HIVEP2: variants seen among roughly 807,000 people sequenced by gnomAD.
HIVEP2 encodes the protein HIVEP zinc finger 2.
HIVEP2 carries 14 observed loss-of-function variants against 180.7 expected under a neutral mutation model. That is an observed-to-expected ratio of 0.08 (90% CI 0.05 to 0.12). The LOEUF (loss-of-function observed/expected upper bound fraction) is 0.12. Ranked by LOEUF, HIVEP2 falls within the 10% of genes least tolerant of loss-of-function variation. The pLI, the probability that HIVEP2 is intolerant of heterozygous loss-of-function variation, is 1.00. For synonymous variants in HIVEP2, 1,184 were observed against 1,136.4 expected, an observed-to-expected ratio of 1.04 and a Z score of -0.84; for missense variants, 2,579 against 3,008.5, an observed-to-expected ratio of 0.86 and a Z score of 3.34.
At chr6:142,754,949 T>C (rs888383938) in intron 9 of HIVEP2, among the ~76,000 whole-genome samples, 1 of 152,250 alleles carries the variant, frequency 6.6e-6, no homozygotes, top group Admixed American at 6.5e-5. Flanking sequence ...CATTCTTTAA[T>C]GGATTGTCAT....
Position 142,753,500 on chromosome 6 carries a change from G to C in HIVEP2, c.6948C>G (p.Asn2316Lys). The C allele has an allele frequency of 6.2e-7, 1 of 1,614,142 alleles. No homozygotes were observed. Among genetic ancestry groups the C allele is most frequent in the Non-Finnish European group, 8.5e-7 (1 of 1,180,042 alleles). The stretch of plus-strand genomic sequence containing the variant: ...TTTCCTCCTGTTCCCGCTCTGTTGC[G>C]TTTAGGCTGTCTTCCGAAGTGCTCT... ...MKQSTSEDSL[N>K]ATEREQEENI... Residue 2316 changes from asparagine (N) to lysine (K), a missense_variant, in exon 10 of 10, where the codon AAC (asparagine) becomes AAG (lysine). Asn to Lys is a moderately conservative substitution (Grantham distance 94). Around this residue, in one of 11 missense-constraint regions of HIVEP2, gnomAD observed 660 missense variants for 731.7 expected, o/e 0.90. Coordinates refer to ENST00000367603, the MANE Select transcript of HIVEP2 (RefSeq NM_006734.4).
intron 1 of HIVEP2, among the ~76,000 whole-genome samples, chr6:142,851,277 C>A (rs1293463349): frequency 6.6e-6 from 1 of 152,140 alleles, no homozygotes; most frequent in Admixed American, 6.5e-5. Context: ...AGGGTTGAGG[C>A]TCTTTTATAT....
chr6:142,821,849 G>A (rs1420820967), intron 2 of HIVEP2, among the ~76,000 whole-genome samples: 1 of 152,198 alleles, frequency 6.6e-6, no homozygotes, highest in African/African-American at 2.4e-5. Context: ...AGCATGCCTT[G>A]TGATGCCATG....
intron 2 of HIVEP2, among the ~76,000 whole-genome samples, chr6:142,813,977 T>C (rs1488455542): frequency 5.9e-5 from 9 of 151,998 alleles, no homozygotes; most frequent in African/African-American, 2.2e-4. Flanking sequence ...GAATAAGACA[T>C]AGCCCTCAGA....
At position 142,935,178 on chromosome 6, in the gene HIVEP2, G is replaced by A. The variant is rs887666002; in HGVS notation, c.-641+9921C>T. Among the ~76,000 whole-genome samples, 28 of 152,146 alleles carry A rather than the reference G, an allele frequency of 1.8e-4. 1 individual carries two copies. Among genetic ancestry groups the A allele is most frequent in the Non-Finnish European group, 2.9e-5 (2 of 68,012 alleles). ...CAACTATGGGTTTAAGAGATGTTTGGGATTGCTGGATGGACACATGGAGGC... is the reference window on the plus strand; with the variant it reads ...CAACTATGGGTTTAAGAGATGTTTGAGATTGCTGGATGGACACATGGAGGC... On this transcript the variant is annotated intron_variant, in intron 1 of 9. Coordinates refer to ENST00000367603, the MANE Select transcript of HIVEP2 (RefSeq NM_006734.4).
At chr6:142,888,774 T>C (rs1293402568) in intron 1 of HIVEP2, among the ~76,000 whole-genome samples, 1 of 152,208 alleles carries the variant, frequency 6.6e-6, no homozygotes, top group East Asian at 1.9e-4. Flanking sequence ...GTTACCTCTC[T>C]TCCTTGTCTG....
In HIVEP2 at chr6:142,937,199, TTTG is replaced by T. The variant is rs149654297; in HGVS notation, c.-641+7897_-641+7899del. The stretch of plus-strand genomic sequence containing the variant: ...CCCCAGATTTTAATTGATATTTCCA[TTTG>T]TTAACTGTTAAATGTGAAACCATGT... On this transcript the variant is annotated intron_variant, in intron 1 of 9. Coordinates refer to ENST00000367603, the MANE Select transcript of HIVEP2 (RefSeq NM_006734.4). Among the ~76,000 whole-genome samples the T allele has an allele frequency of 8.1e-3, 1,231 of 152,328 alleles. 7 individuals carry two copies. The highest frequency in any genetic ancestry group is 0.012 in the Non-Finnish European group (821 of 68,024).
At position 142,773,437 on chromosome 6, in the gene HIVEP2, C is replaced by T. The variant is rs944341938; in HGVS notation, c.1302G>A (p.Pro434=). 8 of 1,614,058 alleles carry T rather than the reference C, an allele frequency of 5.0e-6. No homozygotes were observed. The highest frequency in any genetic ancestry group is 2.2e-5 in the East Asian group (1 of 44,890). ...IIFGKYCRLS[P]RNALSVTTTS... is the part of the protein sequence containing the mutation. ...TGGTTGTAACACTGAGTGCATTTCTCGGACTAAGCCGACAGTATTTTCCAA... is the reference window on the plus strand; with the variant it reads ...TGGTTGTAACACTGAGTGCATTTCTTGGACTAAGCCGACAGTATTTTCCAA... The change falls in exon 5 of 10, where the codon CCG becomes CCA. Residue 434 remains proline, a synonymous_variant. Transcript: ENST00000367603.
At chr6:142,911,400 G>C (rs571972253) in intron 1 of HIVEP2, among the ~76,000 whole-genome samples, 3 of 152,038 alleles carry the variant, frequency 2.0e-5, no homozygotes, top group Non-Finnish European at 4.4e-5. Context: ...ATATCTCTTG[G>C]TACCATAGTC....
At chr6:142,807,458 T>C (rs1283484276) in intron 2 of HIVEP2, among the ~76,000 whole-genome samples, 1 of 152,174 alleles carries the variant, frequency 6.6e-6, no homozygotes, top group African/African-American at 2.4e-5. Flanking sequence ...TGGCTGGATG[T>C]AGTTCTGGCA....
At chr6:142,819,703 C>T (rs1216596828) in intron 2 of HIVEP2, among the ~76,000 whole-genome samples, 1 of 152,082 alleles carries the variant, frequency 6.6e-6, no homozygotes, top group East Asian at 1.9e-4. Context: ...CTGTGTGACC[C>T]TATGGGAAAA....
Position 142,772,011 on chromosome 6 carries a change from C to T in HIVEP2, c.2728G>A (p.Glu910Lys). Residue 910 changes from glutamate to lysine, a missense_variant, in exon 5 of 10, where the codon GAG becomes AAG. Physicochemically the swap from Glu to Lys is moderately conservative, Grantham distance 56. Transcript: ENST00000367603. The surrounding 1 kb of genome is among the most constrained non-coding windows in gnomAD (Gnocchi z 4.9). ...AATTCTTCCACAGGCTTCTCTGGCT[C>T]TTTGCTCTGGGCTTCCTTCTCCTTC... Reference protein sequence around the residue: ...PEKEKEAQSKEPEKPVEEFQW... With the variant: ...PEKEKEAQSKKPEKPVEEFQW... 1.2e-6 allele frequency: 2 copies of T among 1,614,196 alleles called. No individual in the cohort carries two copies. The highest frequency in any genetic ancestry group is 8.5e-7 in the Non-Finnish European group (1 of 1,180,044).
chr6:142,798,698 A>G (rs988093072), intron 2 of HIVEP2, among the ~76,000 whole-genome samples: 2 of 152,188 alleles, frequency 1.3e-5, no homozygotes, highest in Non-Finnish European at 2.9e-5. Context: ...TTGATGAAGT[A>G]CATAGTCTTT....
chr6:142,848,614 T>A (rs1244077056), intron 1 of HIVEP2, among the ~76,000 whole-genome samples: 1 of 151,996 alleles, frequency 6.6e-6, no homozygotes, highest in Non-Finnish European at 1.5e-5. Flanking sequence ...TCCCAGATAC[T>A]CAGGTGGCTG....
rs771455500 is a variant in HIVEP2 at position 142,770,072 on chromosome 6, G to A, written c.4667C>T (p.Ser1556Phe). 13 of 1,614,178 alleles carry A rather than the reference G, an allele frequency of 8.1e-6. No individual in the cohort carries two copies. Among genetic ancestry groups the A allele is most frequent in the Middle Eastern group, 1.6e-4 (1 of 6,062 alleles). The part of the protein sequence containing the change: ...GSRAPLPGQK[S>F]SGPSESKESS... Reference sequence around the variant, plus strand: ...TTCTTTGCTTTCAGAAGGCCCACTGGACTTCTGCCCCGGAAGTGGTGCCCG... The same window carrying A: ...TTCTTTGCTTTCAGAAGGCCCACTGAACTTCTGCCCCGGAAGTGGTGCCCG... Residue 1556 changes from serine to phenylalanine, a missense_variant, in exon 5 of 10, where the codon TCC becomes TTC. Around this residue, in one of 11 missense-constraint regions of HIVEP2, gnomAD observed 349 missense variants for 367.2 expected, o/e 0.95. Transcript: ENST00000367603. This position sits in a 1 kb window ranked among gnomAD's most constrained non-coding sequence, Gnocchi z 4.7.
intron 1 of HIVEP2, among the ~76,000 whole-genome samples, chr6:142,865,692 G>A (rs1258627282): frequency 6.6e-6 from 1 of 152,104 alleles, no homozygotes; most frequent in Non-Finnish European, 1.5e-5. Flanking sequence ...ATTGAAAAGA[G>A]GCACACCAAA....
chr6:142,908,895 C>T (rs189085462), intron 1 of HIVEP2, among the ~76,000 whole-genome samples: 5 of 142,264 alleles, frequency 3.5e-5, no homozygotes, highest in East Asian at 2.0e-4. Flanking sequence ...TTCTACACAA[C>T]GAATTAAAAA....
chr6:142,822,408 C>T (rs1777064951), intron 2 of HIVEP2, among the ~76,000 whole-genome samples: 1 of 152,138 alleles, frequency 6.6e-6, no homozygotes, highest in Admixed American at 6.5e-5. Context: ...CTAATATTCA[C>T]CATAATTCGG....
intron 1 of HIVEP2, among the ~76,000 whole-genome samples, chr6:142,859,470 A>G (rs1187910859): frequency 1.4e-4 from 21 of 151,680 alleles, no homozygotes; most frequent in South Asian, 4.2e-4. Flanking sequence ...CAAAAAAAAA[A>G]AAAGAAAGAA....
Sources: allele counts gnomAD v4.1 joint callset (sites outside exome capture counted in the v4.1 genomes callset), GRCh38; gene constraint gnomAD v4.1.1; regional missense constraint gnomAD v4.1.1; non-coding constraint Gnocchi (gnomAD v3.1); transcripts MANE v1.5; gene names NCBI Gene and HGNC (gene_info 2026-07-23, HGNC 2026-07-21).